Variants in SEMA3A observed in about 807,000 individuals in gnomAD.
SEMA3A encodes the protein semaphorin-3A.
In SEMA3A, 29 loss-of-function variants were observed where a neutral mutation model predicts 97.9. The ratio of observed to expected loss-of-function variants is 0.30; its 90% CI spans 0.22 to 0.40. The LOEUF is 0.40. SEMA3A is among the 10% of genes least tolerant of loss of function. The pLI is 1.00. For synonymous variants in SEMA3A, 321 were observed against 323.7 expected (o/e 0.99, Z 0.09); for missense variants, 763 against 951.3 (o/e 0.80, Z 2.60).
chr7:83,988,938 G>T (rs968024768), intron 12 of SEMA3A, among the ~76,000 whole-genome samples: 1 of 149,190 alleles, frequency 6.7e-6, no homozygotes, highest in African/African-American at 2.5e-5. Flanking sequence ...GCTCACTGCA[G>T]GATCCGCACC....
chr7:84,037,897 C>T (rs1037437412), intron 6 of SEMA3A, among the ~76,000 whole-genome samples: 1 of 151,832 alleles, frequency 6.6e-6, no homozygotes, highest in Admixed American at 6.6e-5. Flanking sequence ...TGTCTAATTT[C>T]TTTAGTCATG....
intron 1 of SEMA3A, among the ~76,000 whole-genome samples, chr7:84,188,078 C>T (rs533906061): frequency 6.6e-5 from 10 of 152,122 alleles, no homozygotes; most frequent in Admixed American, 2.6e-4. Context: ...AACATAGTTT[C>T]CCACGCCACA....
At chr7:84,476,077 C>T (rs531176985) in intron 1 of SEMA3A, among the ~76,000 whole-genome samples, 18 of 151,934 alleles carry the variant, frequency 1.2e-4, no homozygotes, top group African/African-American at 4.3e-4. Context: ...TTTTTTTTGG[C>T]CAGGTGCGGT....
intron 4 of SEMA3A, among the ~76,000 whole-genome samples, chr7:84,104,682 T>A (rs1170004334): frequency 6.6e-6 from 1 of 152,132 alleles, no homozygotes; most frequent in Non-Finnish European, 1.5e-5. Context: ...GTCACTTTAC[T>A]CCCTCACTTA....
intron 6 of SEMA3A, among the ~76,000 whole-genome samples, chr7:84,022,715 G>A (rs1344977202): frequency 1.3e-5 from 2 of 152,184 alleles, no homozygotes; most frequent in Non-Finnish European, 2.9e-5. Context: ...AGATCAAAGT[G>A]CACTAATCTC....
intron 4 of SEMA3A, among the ~76,000 whole-genome samples, chr7:84,066,395 A>T (rs1414428547): frequency 1.3e-5 from 2 of 148,230 alleles, no homozygotes; most frequent in Non-Finnish European, 1.5e-5. Context: ...ACTCCTATTC[A>T]ACATAGTGTT....
At position 84,244,727 on chromosome 7, in the gene SEMA3A, T is replaced by C. The variant is rs192914649; in HGVS notation, c.-82-50059A>G. ...GTGTTTTTTTAGTGGCTGTTACCAG[T>C]TTTTCCTTTCCATATTTAGTGCTTC... is the stretch of plus-strand genomic sequence containing the variant. On this transcript the variant is annotated intron_variant, in intron 3 of 3. Transcript: ENST00000424555. Among the ~76,000 whole-genome samples the C allele has an allele frequency of 3.8e-3, 581 of 152,278 alleles. 3 individuals are homozygous for C. The highest frequency in any genetic ancestry group is 6.3e-3 in the Admixed American group (96 of 15,294).
In SEMA3A at chr7:83,957,265, CT is replaced by C. The variant is rs1374380872; in HGVS notation, c.*4105del. 8.2e-6 allele frequency: 1 copy of C among 122,292 alleles called. No individual in the cohort carries two copies. Among genetic ancestry groups the C allele is most frequent in the African/African-American group, 3.9e-5 (1 of 25,542 alleles). The allele number at this position is 122,292 out of a possible 1,614,324, so 7.6% of individuals were successfully genotyped here. ...TTAGATGATGATAAGTCATCTCGCT[CT>C]GTTTCCTTAATTTCATTGTGAGCTC... On this transcript the variant is annotated 3_prime_UTR_variant, in exon 17 of 17. Transcript: ENST00000265362.
rs150132241 is a variant in SEMA3A at position 83,999,385 on chromosome 7, CAATAT to C, written c.1452+2565_1452+2569del. Among the ~76,000 whole-genome samples, 1,103 of 151,980 alleles carry C rather than the reference CAATAT, an allele frequency of 7.3e-3. 17 individuals are homozygous for C. The highest frequency in any genetic ancestry group is 0.025 in the African/African-American group (1,027 of 41,488). ...TAAATAATAAAAATTCACGAAAACA[CAATAT>C]AAATGCAAAATTATGCACATTCTAA... On this transcript the variant is annotated intron_variant, in intron 12 of 16. Coordinates refer to ENST00000265362, the MANE Select transcript of SEMA3A (RefSeq NM_006080.3).
intron 3 of SEMA3A, among the ~76,000 whole-genome samples, chr7:84,225,589 A>G (rs1562860986): frequency 6.6e-6 from 1 of 152,072 alleles, no homozygotes; most frequent in Admixed American, 6.6e-5. Flanking sequence ...TTATAAACTA[A>G]AGAAGTTGTT....
intron 3 of SEMA3A, among the ~76,000 whole-genome samples, chr7:84,215,438 C>T (rs542421245): frequency 2.6e-5 from 4 of 152,138 alleles, no homozygotes; most frequent in Non-Finnish European, 4.4e-5. Context: ...TCCGCCCCCC[C>T]CTTGGCCTCC....
intron 2 of SEMA3A, among the ~76,000 whole-genome samples, chr7:84,131,234 T>C (rs1175180319): frequency 6.6e-6 from 1 of 152,092 alleles, no homozygotes; most frequent in African/African-American, 2.4e-5. Context: ...AGTAAATGTA[T>C]GTTTAATAGT....
intron 3 of SEMA3A, among the ~76,000 whole-genome samples, chr7:84,245,655 CCT>C (rs1799460344): frequency 6.6e-6 from 1 of 151,920 alleles, no homozygotes; most frequent in African/African-American, 2.4e-5. Context: ...CACTCCAGAC[CCT>C]GTTTGCCTGG....
chr7:84,337,461 T>A (rs1372818497), intron 2 of SEMA3A, among the ~76,000 whole-genome samples: 1 of 152,118 alleles, frequency 6.6e-6, no homozygotes, highest in Non-Finnish European at 1.5e-5. Context: ...CATCTTCCAG[T>A]GTGCTATTTG....
intron 2 of SEMA3A, among the ~76,000 whole-genome samples, chr7:84,346,545 G>C (rs776795035): frequency 6.6e-6 from 1 of 152,088 alleles, no homozygotes; most frequent in Non-Finnish European, 1.5e-5. Context: ...CAATACTGTT[G>C]TGTCTCAGGG....
At chr7:84,242,404 G>A (rs1459360689) in intron 3 of SEMA3A, among the ~76,000 whole-genome samples, 2 of 152,244 alleles carry the variant, frequency 1.3e-5, no homozygotes, top group Middle Eastern at 3.4e-3. Flanking sequence ...GTGAATGGGA[G>A]TTCACTCATG....
At chr7:84,353,144 A>T (rs1264994975) in intron 2 of SEMA3A, among the ~76,000 whole-genome samples, 2 of 151,816 alleles carry the variant, frequency 1.3e-5, no homozygotes, top group African/African-American at 4.8e-5. Flanking sequence ...TTATGTAAAT[A>T]GTTTTTATAT....
At chr7:84,431,833 G>T (rs536260528) in intron 1 of SEMA3A, among the ~76,000 whole-genome samples, 3 of 151,926 alleles carry the variant, frequency 2.0e-5, no homozygotes, top group Non-Finnish European at 4.4e-5. Flanking sequence ...GTTTACAGTT[G>T]AGTAGTAGAG....
chr7:84,407,174 C>G (rs899848427), intron 1 of SEMA3A, among the ~76,000 whole-genome samples: 20 of 152,156 alleles, frequency 1.3e-4, no homozygotes, highest in African/African-American at 4.6e-4. Context: ...CCCAAAATCT[C>G]CTTAAGCTGA....
Sources: allele counts gnomAD v4.1 joint callset (sites outside exome capture counted in the v4.1 genomes callset), GRCh38; gene constraint gnomAD v4.1.1; transcripts MANE v1.5; gene names NCBI Gene and HGNC (gene_info 2026-07-23, HGNC 2026-07-21).